Variants in DESI1 observed in about 807,000 individuals in gnomAD.
The protein encoded by DESI1 is PPPDE peptidase domain containing 2.
Under a neutral mutation model 22.4 loss-of-function variants are expected in DESI1, and 17 were observed. The ratio of observed to expected loss-of-function variants is 0.76; its 90% confidence interval spans 0.52 to 1.14. The LOEUF (loss-of-function observed/expected upper bound fraction) is 1.14, where lower values mean the gene tolerates loss of function less well. DESI1 is among the 50% of genes most tolerant of loss of function. The pLI, the probability that DESI1 is intolerant of heterozygous loss-of-function variation, is 0.00. For missense variants in DESI1, 177 were observed against 208.9 expected, an observed-to-expected ratio of 0.85 and a Z score of 0.94; for synonymous variants, 92 against 84.2, an observed-to-expected ratio of 1.09 and a Z score of -0.51.
At chr22:41,613,635 A>C (rs1214525588) in intron 1 of DESI1, among the ~76,000 whole-genome samples, 2 of 152,200 alleles carry the variant, frequency 1.3e-5, no homozygotes, top group East Asian at 3.8e-4. Flanking sequence ...GCTATTGAGG[A>C]CAAAGTTCCT....
chr22:41,601,244 C>T, intron 5 of DESI1, 54 bp from the exon 6 acceptor site: 1 of 1,524,238 alleles, frequency 6.6e-7, no homozygotes, highest in East Asian at 2.4e-5. Flanking sequence ...GGCCTGCTGT[C>T]ACACACCCTG....
intron 1 of DESI1, among the ~76,000 whole-genome samples, chr22:41,619,697 T>C (rs1333084468): frequency 6.6e-6 from 1 of 152,216 alleles, no homozygotes; most frequent in Non-Finnish European, 1.5e-5. Flanking sequence ...TTCAATTCAC[T>C]ACGACATATT....
In DESI1 at chr22:41,620,928, A is replaced by C; in HGVS notation, c.-89T>G. 5.3e-6 allele frequency: 6 copies of C among 1,125,508 alleles called. No homozygotes were observed. The highest frequency in any genetic ancestry group is 1.3e-5 in the South Asian group (1 of 75,776). 69.7% of individuals were successfully genotyped at this position (1,125,508 alleles called of 1,614,324 possible). On this transcript the variant is annotated 5_prime_UTR_variant, in exon 1 of 6. Transcript: ENST00000263256. The stretch of plus-strand genomic sequence containing the variant: ...CGTACCCGACGGGAGTGCGAAGCGG[A>C]GGGAGAGGGGGGGACCGAGCCCGGG...
At chr22:41,618,937 G>A (rs1382545196) in intron 1 of DESI1, among the ~76,000 whole-genome samples, 3 of 152,116 alleles carry the variant, frequency 2.0e-5, no homozygotes, top group African/African-American at 4.8e-5. Flanking sequence ...GGTGGCGGGC[G>A]CCTGTAGTCC....
At position 41,620,761 on chromosome 22, in the gene DESI1, T is replaced by C. The variant is rs1569074018; in HGVS notation, c.79A>G (p.Ile27Val). Residue 27 changes from isoleucine (I) to valine (V), a missense_variant, in exon 1 of 6, where the codon ATC (isoleucine) becomes GTC (valine). Ile to Val is a conservative substitution (Grantham distance 29). Transcript: ENST00000263256. The stretch of plus-strand genomic sequence containing the variant: ...GCCCCTTCCCCCTCACCCAGCATGA[T>C]GGGGCTGAGCCGCCGGGCCAGGCCT... The part of the protein sequence containing the change: ...SKGLARRLSP[I>V]MLGKQLEGIW... 3.1e-6 allele frequency: 5 copies of C among 1,610,582 alleles called. No homozygotes were observed. Among genetic ancestry groups the C allele is most frequent in the African/African-American group, 1.3e-5 (1 of 74,876 alleles).
Position 41,600,764 on chromosome 22 carries a change from G to C in DESI1, c.*333C>G, listed in dbSNP as rs144667732. 1 of 261,116 alleles carries C rather than the reference G, an allele frequency of 3.8e-6. No individual in the cohort carries two copies. The highest frequency in any genetic ancestry group is 2.3e-5 in the African/African-American group (1 of 43,206). The allele number at this position is 261,116 out of a possible 1,614,324, so 16.2% of individuals were successfully genotyped here. On this transcript the variant is annotated 3_prime_UTR_variant, in exon 6 of 6. Transcript: ENST00000263256. The stretch of plus-strand genomic sequence containing the variant: ...GTTCTCTGGAAAGAGTTCTAGGTTG[G>C]GGCTCCCGCAAACTGTGACTCGCTT...
At chr22:41,615,157 C>T (rs1398587942) in intron 1 of DESI1, among the ~76,000 whole-genome samples, 3 of 148,622 alleles carry the variant, frequency 2.0e-5, no homozygotes, top group Admixed American at 6.7e-5. Flanking sequence ...AGGCCGGGCG[C>T]GGTGGCTCAA....
intron 1 of DESI1, among the ~76,000 whole-genome samples, chr22:41,616,562 A>T (rs987310873): frequency 7.1e-5 from 9 of 126,264 alleles, no homozygotes; most frequent in Non-Finnish European, 8.7e-5. Flanking sequence ...ACACACACAC[A>T]CACACTTCTG....
chr22:41,603,291 G>A lies in DESI1; in HGVS notation c.381C>T (p.Tyr127=), dbSNP rs367623608. The part of the protein sequence containing the change: ...QFLTGRKIPS[Y]ITDLPSEVLS... Reference sequence around the variant, plus strand: ...GAACTTCAGAGGGCAGGTCTGTGATGTAAGAAGGAATCTTCCGCCCAGTCA... The same window carrying A: ...GAACTTCAGAGGGCAGGTCTGTGATATAAGAAGGAATCTTCCGCCCAGTCA... Residue 127 remains tyrosine (Y), a synonymous_variant, in exon 5 of 6, where the codon TAC becomes TAT. Transcript: ENST00000263256. 5.4e-5 allele frequency: 87 copies of A among 1,614,100 alleles called. No individual in the cohort carries two copies. Among genetic ancestry groups the A allele is most frequent in the Non-Finnish European group, 6.9e-5 (82 of 1,180,052 alleles).
At chr22:41,606,589 T>C (rs2067482176) in intron 3 of DESI1, among the ~76,000 whole-genome samples, 1 of 151,702 alleles carries the variant, frequency 6.6e-6, no homozygotes, top group Admixed American at 6.6e-5. Flanking sequence ...CTGGCCAACA[T>C]GCTGAAACAC....
chr22:41,618,369 A>AG (rs1352384173), intron 1 of DESI1, among the ~76,000 whole-genome samples: 2 of 151,682 alleles, frequency 1.3e-5, no homozygotes, highest in East Asian at 3.9e-4. Context: ...CTAAAAAAAA[A>AG]AAAAAGGTCT....
Position 41,600,252 on chromosome 22 carries a change from A to C in DESI1, c.*845T>G, listed in dbSNP as rs1257396407. The C allele has an allele frequency of 1.3e-5, 2 of 151,914 alleles. No individual in the cohort carries two copies. Among genetic ancestry groups the C allele is most frequent in the Non-Finnish European group, 2.9e-5 (2 of 67,960 alleles). The allele number at this position is 151,914 out of a possible 1,614,324, so 9.4% of individuals were successfully genotyped here. A position where few individuals can be genotyped will look rare whatever the true frequency, so the allele number is the denominator to read the frequency against. On this transcript the variant is annotated 3_prime_UTR_variant, in exon 6 of 6. Coordinates refer to ENST00000263256, the MANE Select transcript of DESI1 (RefSeq NM_015704.3). ...CCCATCCCTTGGTCCCCAGCTAAATACTGCGTACTGGCCTGGATGGTGGTT... is the reference window on the plus strand; with the variant it reads ...CCCATCCCTTGGTCCCCAGCTAAATCCTGCGTACTGGCCTGGATGGTGGTT...
intron 3 of DESI1, among the ~76,000 whole-genome samples, chr22:41,605,343 G>C (rs907385135): frequency 2.6e-5 from 4 of 152,186 alleles, no homozygotes; most frequent in Admixed American, 6.6e-5. Flanking sequence ...CAGACTGCCA[G>C]AGAAAACTGA....
chr22:41,611,764 T>G (rs922026972), intron 1 of DESI1, among the ~76,000 whole-genome samples: 2 of 151,930 alleles, frequency 1.3e-5, no homozygotes, highest in African/African-American at 4.8e-5. Context: ...GGCTAATTTT[T>G]CTATTTTTAG....
chr22:41,610,816 C>T (rs899189820), intron 1 of DESI1, among the ~76,000 whole-genome samples: 50 of 150,158 alleles, frequency 3.3e-4, no homozygotes, highest in African/African-American at 1.1e-3. Flanking sequence ...GAGGTTGCGA[C>T]GAGCTGAGAT....
At chr22:41,602,114 TA>T in intron 5 of DESI1, 1 of 695,210 alleles carries the variant, frequency 1.4e-6, no homozygotes, top group Non-Finnish European at 1.8e-6. Context: ...ACGACAACCA[TA>T]AATAAGGTTG....
At chr22:41,610,598 A>C (rs1419353699) in intron 1 of DESI1, among the ~76,000 whole-genome samples, 2 of 152,160 alleles carry the variant, frequency 1.3e-5, no homozygotes, top group African/African-American at 2.4e-5. Context: ...GCTTTTCACC[A>C]AGAGATCTGC....
rs1453188939 is a variant in DESI1 at position 41,604,094 on chromosome 22, T to C, written c.240A>G (p.Thr80=). 4 of 1,614,010 alleles carry C rather than the reference T, an allele frequency of 2.5e-6. No individual in the cohort carries two copies. The South Asian group carries it at 4.4e-5, about 18-fold the overall frequency. ...SVVDVGSTEV[T]EEIFLEYLSS... ...AGAGGTACTCCAGAAAGATTTCTTCTGTGACTTCTGTACTCCCCACATCAA... is the reference window on the plus strand; with the variant it reads ...AGAGGTACTCCAGAAAGATTTCTTCCGTGACTTCTGTACTCCCCACATCAA... The change falls in exon 4 of 6, where the codon ACA becomes ACG. Residue 80 remains threonine (T), a synonymous_variant. Coordinates refer to ENST00000263256, the MANE Select transcript of DESI1 (RefSeq NM_015704.3).
Position 41,620,809 on chromosome 22 carries a change from G to T in DESI1, c.31C>A (p.Leu11Ile), listed in dbSNP as rs778060051. Residue 11 changes from leucine to isoleucine, a missense_variant, in exon 1 of 6, where the codon CTC becomes ATC. Coordinates refer to ENST00000263256, the MANE Select transcript of DESI1 (RefSeq NM_015704.3). MEPPNLYPVK[L>I]YVYDLSKGLA... ...CCTTTGGACAGGTCGTACACGTAGA[G>T]CTTCACCGGATAGAGATTCGGCGGC... 5 of 1,612,696 alleles carry T rather than the reference G, an allele frequency of 3.1e-6. No homozygotes were observed. The highest frequency in any genetic ancestry group is 4.2e-6 in the Non-Finnish European group (5 of 1,179,354).
Sources: allele counts gnomAD v4.1 joint callset (sites outside exome capture counted in the v4.1 genomes callset), GRCh38; gene constraint gnomAD v4.1.1; transcripts MANE v1.5; gene names NCBI Gene and HGNC (gene_info 2026-07-23, HGNC 2026-07-21).